FREM3: variants seen among roughly 807,000 people sequenced by gnomAD.
The protein encoded by FREM3 is FRAS1-related extracellular matrix protein 3.
Under a neutral mutation model 129.1 loss-of-function variants are expected in FREM3, and 105 were observed. The observed-to-expected ratio is 0.81, with a 90% CI of 0.69 to 0.96. FREM3 has a LOEUF of 0.96. Among genes scored for constraint, FREM3 ranks in the 40% least tolerant of loss-of-function variants. The probability of loss-of-function intolerance (pLI) is 0.00; values close to 1 mark genes in which losing one functional copy is unlikely to be tolerated. For missense variants in FREM3, 2,593 were observed against 2,666.3 expected, an observed-to-expected ratio of 0.97 and a Z score of 0.61; for synonymous variants, 1,014 against 1,044.9, an observed-to-expected ratio of 0.97 and a Z score of 0.57.
chr4:143,590,869 G>A (rs1738347689), intron 6 of FREM3, among the ~76,000 whole-genome samples: 1 of 152,004 alleles, frequency 6.6e-6, no homozygotes, highest in Admixed American at 6.6e-5. Flanking sequence ...ATCTGGTCCT[G>A]GTCTTTTTTT....
At chr4:143,680,568 C>T (rs1157195887) in intron 2 of FREM3, among the ~76,000 whole-genome samples, 1 of 152,030 alleles carries the variant, frequency 6.6e-6, no homozygotes, top group South Asian at 2.1e-4. Flanking sequence ...TTTACCTCAT[C>T]TGTATTTTAT....
In FREM3 at chr4:143,698,286, G is replaced by C; in HGVS notation, c.2390C>G (p.Pro797Arg). The C allele has an allele frequency of 6.5e-7, 1 of 1,537,646 alleles. No homozygotes were observed. Among genetic ancestry groups the C allele is most frequent in the Non-Finnish European group, 8.7e-7 (1 of 1,147,030 alleles). The change falls in exon 1 of 8, where the codon CCA (proline) becomes CGA (arginine). Residue 797 changes from proline to arginine, a missense_variant. Around this residue, in one of 2 missense-constraint regions of FREM3, gnomAD observed 2,276 missense variants for 2,267.2 expected, o/e 1.00. Transcript: ENST00000329798. ...YQPPQKLGIAPRVVQFTYQVE... is the reference protein window; with the variant it reads ...YQPPQKLGIARRVVQFTYQVE... ...CTGGTAAGTAAACTGCACAACCCGTGGTGCAATACCCAATTTCTGTGGAGG... is the reference window on the plus strand; with the variant it reads ...CTGGTAAGTAAACTGCACAACCCGTCGTGCAATACCCAATTTCTGTGGAGG...
chr4:143,664,658 G>T (rs1739816737), intron 2 of FREM3, among the ~76,000 whole-genome samples: 1 of 152,178 alleles, frequency 6.6e-6, no homozygotes, highest in African/African-American at 2.4e-5. Flanking sequence ...GGTTACTGCT[G>T]TCTTTTTGTT....
intron 5 of FREM3, among the ~76,000 whole-genome samples, chr4:143,616,777 A>T (rs1303708431): frequency 6.8e-6 from 1 of 147,356 alleles, no homozygotes; most frequent in Non-Finnish European, 1.5e-5. Flanking sequence ...TGGGCAACAG[A>T]GCGAGACTCC....
At chr4:143,641,866 A>G (rs1739325582) in intron 2 of FREM3, among the ~76,000 whole-genome samples, 1 of 152,190 alleles carries the variant, frequency 6.6e-6, no homozygotes, top group Admixed American at 6.5e-5. Flanking sequence ...CACTAAAGCA[A>G]TAAACTGTCA....
At chr4:143,599,083 G>T (rs971942996) in intron 6 of FREM3, among the ~76,000 whole-genome samples, 2 of 152,116 alleles carry the variant, frequency 1.3e-5, no homozygotes, top group Non-Finnish European at 2.9e-5. Flanking sequence ...TTTTGCTCTT[G>T]AGTCAGTATG....
chr4:143,630,306 C>T (rs116642514), intron 2 of FREM3, among the ~76,000 whole-genome samples: 156 of 152,260 alleles, frequency 1.0e-3, no homozygotes, highest in African/African-American at 3.7e-3. Flanking sequence ...GGCTATATTG[C>T]TGCTTTTGAC....
intron 2 of FREM3, among the ~76,000 whole-genome samples, chr4:143,691,977 G>T (rs1440124201): frequency 6.6e-6 from 1 of 152,158 alleles, no homozygotes; most frequent in Non-Finnish European, 1.5e-5. Flanking sequence ...AGGGAAGGAA[G>T]ATTTGATTTT....
At chr4:143,644,510 G>A (rs1222278839) in intron 2 of FREM3, among the ~76,000 whole-genome samples, 1 of 152,050 alleles carries the variant, frequency 6.6e-6, no homozygotes, top group Non-Finnish European at 1.5e-5. Flanking sequence ...AAATCTCAAG[G>A]TAATGCTTCA....
Position 143,627,637 on chromosome 4 carries a change from T to A in FREM3, c.5399A>T (p.Tyr1800Phe), listed in dbSNP as rs1459118120. The change falls in exon 3 of 8, where the codon TAC becomes TTC. Residue 1800 changes from tyrosine (Y) to phenylalanine (F), a missense_variant. Physicochemically the swap from Tyr to Phe is conservative, Grantham distance 22. This residue lies in a region of FREM3 where 2,276 missense variants were observed against 2,267.2 expected (regional missense o/e 1.00). Coordinates refer to ENST00000329798, the MANE Select transcript of FREM3 (RefSeq NM_001168235.2). ...ACTGATAAATGATGTTTCTCCAAGGTATCCTCTGCGTGTAAGGGTCACTTC... is the reference window on the plus strand; with the variant it reads ...ACTGATAAATGATGTTTCTCCAAGGAATCCTCTGCGTGTAAGGGTCACTTC... Reference protein sequence around the residue: ...FLEVTLTRRGYLGETSFISIG... With the variant: ...FLEVTLTRRGFLGETSFISIG... The A allele has an allele frequency of 6.5e-7, 1 of 1,536,366 alleles. No homozygotes were observed. Among genetic ancestry groups the A allele is most frequent in the Admixed American group, 2.0e-5 (1 of 50,990 alleles).
intron 6 of FREM3, among the ~76,000 whole-genome samples, chr4:143,599,365 C>T (rs1323148618): frequency 6.6e-6 from 1 of 152,130 alleles, no homozygotes; most frequent in African/African-American, 2.4e-5. Flanking sequence ...TCAGATTGTT[C>T]TTGCCTTGAC....
chr4:143,667,751 T>TA (rs1235572086), intron 2 of FREM3, among the ~76,000 whole-genome samples: 1 of 152,222 alleles, frequency 6.6e-6, no homozygotes, highest in Non-Finnish European at 1.5e-5. Context: ...CCCCGATAAT[T>TA]AAAGAGGATG....
chr4:143,664,269 G>T (rs1241675188), intron 2 of FREM3, among the ~76,000 whole-genome samples: 2 of 152,026 alleles, frequency 1.3e-5, no homozygotes, highest in Non-Finnish European at 1.5e-5. Flanking sequence ...TTTTGGTGTG[G>T]ATGTCCTTTC....
intron 2 of FREM3, among the ~76,000 whole-genome samples, chr4:143,686,653 G>A (rs904084843): frequency 6.6e-6 from 1 of 152,076 alleles, no homozygotes; most frequent in African/African-American, 2.4e-5. Context: ...GAATAAAACT[G>A]GAAATCAACT....
At chr4:143,688,124 C>A (rs1740400695) in intron 2 of FREM3, among the ~76,000 whole-genome samples, 2 of 152,064 alleles carry the variant, frequency 1.3e-5, no homozygotes, top group South Asian at 4.1e-4. Flanking sequence ...CTAAGGACTC[C>A]TCCAGAAAGT....
intron 5 of FREM3, among the ~76,000 whole-genome samples, chr4:143,614,374 GA>G (rs1738809825): frequency 6.6e-6 from 1 of 152,116 alleles, no homozygotes; most frequent in African/African-American, 2.4e-5. Context: ...TCAGGACTTG[GA>G]AAAATTCTGT....
Position 143,695,582 on chromosome 4 carries a change from C to A in FREM3, c.5094G>T (p.Arg1698Ser). The A allele has an allele frequency of 2.0e-6, 3 of 1,537,322 alleles. No homozygotes were observed. Among genetic ancestry groups the A allele is most frequent in the South Asian group, 1.2e-5 (1 of 84,062 alleles). The change falls in exon 1 of 8, where the codon AGG (arginine) becomes AGT (serine). Residue 1698 changes from arginine (R) to serine (S), a missense_variant. By Grantham distance (110) the Arg-to-Ser change is moderately radical (BLOSUM62 -1). Around this residue, in one of 2 missense-constraint regions of FREM3, gnomAD observed 2,276 missense variants for 2,267.2 expected, o/e 1.00. Coordinates refer to ENST00000329798, the MANE Select transcript of FREM3 (RefSeq NM_001168235.2). ...LKAEDQDSPH[R>S]LLKYKVTRGP... The stretch of plus-strand genomic sequence containing the variant: ...CTCTGGTCACTTTATACTTCAGAAG[C>A]CTGTGGGGACTGTCCTGATCTTCTG...
chr4:143,648,861 C>T (rs556305688), intron 2 of FREM3, among the ~76,000 whole-genome samples: 1 of 152,306 alleles, frequency 6.6e-6, no homozygotes, highest in South Asian at 2.1e-4. Flanking sequence ...CTCCTGGGCT[C>T]AAGCTGTCTC....
chr4:143,637,956 A>C (rs1340129651), intron 2 of FREM3, among the ~76,000 whole-genome samples: 8 of 152,106 alleles, frequency 5.3e-5, no homozygotes, highest in Admixed American at 5.2e-4. Flanking sequence ...GCTAGCTCTA[A>C]TTCTGTTCAC....
Sources: gnomAD v4.1 joint callset for allele counts (sites outside exome capture counted in the v4.1 genomes callset) on GRCh38, gnomAD v4.1.1 for gene constraint, gnomAD v4.1.1 regional missense constraint, MANE v1.5 for transcripts, NCBI Gene and HGNC (gene_info 2026-07-23, HGNC 2026-07-21) for gene names.